The following ZFP2 variants were observed in gnomAD, a reference collection of about 807,000 sequenced individuals.
The protein encoded by ZFP2 is zinc finger protein ZFP2.
In ZFP2, 33 loss-of-function variants were observed where a neutral mutation model predicts 36.1. The observed-to-expected ratio is 0.92, with a 90% CI of 0.69 to 1.22. ZFP2 has a LOEUF of 1.22. Among genes scored for constraint, ZFP2 ranks in the 50% most tolerant of loss-of-function variants. The probability of loss-of-function intolerance (pLI) is 0.00; values close to 1 mark genes in which losing one functional copy is unlikely to be tolerated. For missense variants in ZFP2, 522 were observed against 551.4 expected (o/e 0.95, Z 0.53); for synonymous variants, 170 against 178.0 (o/e 0.96, Z 0.36).
At chr5:178,920,345 A>C (rs1758531654) in intron 4 of ZFP2, among the ~76,000 whole-genome samples, 1 of 152,122 alleles carries the variant, frequency 6.6e-6, no homozygotes. Flanking sequence ...TTATATATTA[A>C]AAATACTGTA....
In ZFP2 at chr5:178,931,586, A is replaced by C. The variant is rs747495582; in HGVS notation, c.273A>C (p.Lys91Asn). ...EDATQNSELIKTQRMFVGKKI... is the reference protein window; with the variant it reads ...EDATQNSELINTQRMFVGKKI... ...CCACACAAAATTCTGAGTTAATTAAAACTCAAAGAATGTTTGTAGGAAAGA... is the reference window on the plus strand; with the variant it reads ...CCACACAAAATTCTGAGTTAATTAACACTCAAAGAATGTTTGTAGGAAAGA... The change falls in exon 5 of 5, where the codon AAA becomes AAC. Residue 91 changes from lysine to asparagine, a missense_variant. Transcript: ENST00000361362. 5.6e-6 allele frequency: 9 copies of C among 1,614,062 alleles called. No homozygotes were observed. In the Admixed American group the frequency reaches 1.2e-4, roughly 21 times the overall value.
chr5:178,911,676 C>G (rs2113081464), intron 1 of ZFP2, among the ~76,000 whole-genome samples: 1 of 152,244 alleles, frequency 6.6e-6, no homozygotes, highest in African/African-American at 2.4e-5. Flanking sequence ...GTTGGTGTCC[C>G]TAACCCCCAT....
Position 178,932,631 on chromosome 5 carries a change from TGTAATGAATGCGGAAAA to T in ZFP2, c.1320_1336del (p.Asn441LeufsTer35), listed in dbSNP as rs1175369126. The T allele has an allele frequency of 1.2e-6, 2 of 1,613,682 alleles. No individual in the cohort carries two copies. The highest frequency in any genetic ancestry group is 1.7e-6 in the Non-Finnish European group (2 of 1,179,864). On this transcript the variant is annotated frameshift_variant, in exon 5 of 5. Transcript: ENST00000361362. LOFTEE classifies it high-confidence loss of function. ...TCATACAGGAGAGAAACCCTATCAG[TGTAATGAATGCGGAAAA>T]GCCTTCAGCCGGAGTACAAACCTTA...
intron 4 of ZFP2, among the ~76,000 whole-genome samples, chr5:178,925,035 A>G (rs1758637073): frequency 6.9e-6 from 1 of 144,878 alleles, no homozygotes; most frequent in Non-Finnish European, 1.5e-5. Flanking sequence ...TCTTTATACT[A>G]TTGCCATTTA....
chr5:178,909,911 G>A, intron 1 of ZFP2: 1 of 1,497,954 alleles, frequency 6.7e-7, no homozygotes. Flanking sequence ...CCCGGGAGAT[G>A]CCCTTGATCC....
chr5:178,914,174 AT>A (rs961736484), intron 3 of ZFP2, among the ~76,000 whole-genome samples: 2 of 151,762 alleles, frequency 1.3e-5, no homozygotes, highest in Non-Finnish European at 1.5e-5. Context: ...TTCTTTGTAT[AT>A]TTTTTTTAAA....
chr5:178,925,185 T>C (rs1326709597), intron 4 of ZFP2, among the ~76,000 whole-genome samples: 2 of 147,376 alleles, frequency 1.4e-5, no homozygotes, highest in Admixed American at 6.9e-5. Flanking sequence ...ACATATATAT[T>C]ATGTGCCTTT....
chr5:178,927,538 C>T (rs2113121986), intron 4 of ZFP2, among the ~76,000 whole-genome samples: 1 of 151,244 alleles, frequency 6.6e-6, no homozygotes, highest in African/African-American at 2.4e-5. Flanking sequence ...CTCTTGTCGC[C>T]CAGGCTGGAG....
In ZFP2 at chr5:178,931,431, T is replaced by G; in HGVS notation, c.118T>G (p.Phe40Val). The change falls in exon 5 of 5, where the codon TTC (phenylalanine) becomes GTC (valine). Residue 40 changes from phenylalanine to valine, a missense_variant. Transcript: ENST00000361362. ...AGTGGGAGTTACCCATAAGGAAACC[T>G]TCACTGAGATGAGAGTATGTGGAGG... ...SQVGVTHKET[F>V]TEMRVCGGNE... 1 of 1,614,148 alleles carries G rather than the reference T, an allele frequency of 6.2e-7. No homozygotes were observed. The highest frequency in any genetic ancestry group is 8.5e-7 in the Non-Finnish European group (1 of 1,180,020).
intron 4 of ZFP2, among the ~76,000 whole-genome samples, chr5:178,930,201 T>G (rs1469559081): frequency 6.6e-6 from 1 of 151,972 alleles, no homozygotes; most frequent in African/African-American, 2.4e-5. Flanking sequence ...AATATGAAAT[T>G]TGGGTGGGGA....
In ZFP2 at chr5:178,922,663, T is replaced by C. The variant is rs1758581419; in HGVS notation, c.-78+5953T>C. The C allele has an allele frequency of 1.9e-6, 3 of 1,586,990 alleles. No homozygotes were observed. In the Admixed American group the frequency reaches 5.1e-5, roughly 27 times the overall value. On this transcript the variant is annotated intron_variant, in intron 4 of 4. Coordinates refer to ENST00000361362, the MANE Select transcript of ZFP2 (RefSeq NM_030613.4). ...ACCTTTGTCCACGTGGCTGGCCTTGTTATTTCACCACTCTGGATATACTGG... is the reference window on the plus strand; with the variant it reads ...ACCTTTGTCCACGTGGCTGGCCTTGCTATTTCACCACTCTGGATATACTGG...
Position 178,932,088 on chromosome 5 carries a change from G to A in ZFP2, c.775G>A (p.Val259Ile). ...KAFSQSMHLI[V>I]HQRSHTGEKP... ...CTTCAGTCAAAGCATGCATCTTATT[G>A]TACATCAGAGAAGCCATACTGGAGA... The change falls in exon 5 of 5, where the codon GTA becomes ATA. Residue 259 changes from valine (V) to isoleucine (I), a missense_variant. Physicochemically the swap from Val to Ile is conservative, Grantham distance 29 (BLOSUM62 3). Coordinates refer to ENST00000361362, the MANE Select transcript of ZFP2 (RefSeq NM_030613.4). 1 of 1,614,032 alleles carries A rather than the reference G, an allele frequency of 6.2e-7. No individual in the cohort carries two copies. The highest frequency in any genetic ancestry group is 1.7e-5 in the Admixed American group (1 of 60,004).
intron 4 of ZFP2, among the ~76,000 whole-genome samples, chr5:178,921,587 A>G (rs1041265461): frequency 1.3e-5 from 2 of 149,306 alleles, no homozygotes; most frequent in African/African-American, 4.9e-5. Flanking sequence ...AAAAATAGGC[A>G]ATTCCCCCTG....
At chr5:178,902,834 A>G (rs181504972) in intron 1 of ZFP2, among the ~76,000 whole-genome samples, 1 of 152,208 alleles carries the variant, frequency 6.6e-6, no homozygotes, top group South Asian at 2.1e-4. Flanking sequence ...TTGATAACAG[A>G]TAATATTTAC....
chr5:178,901,797 G>T (rs202023393), intron 1 of ZFP2, among the ~76,000 whole-genome samples: 52 of 149,148 alleles, frequency 3.5e-4, no homozygotes, highest in Middle Eastern at 3.5e-3. Flanking sequence ...TTTTTGGTTT[G>T]TTTTTTTTTT....
At chr5:178,919,607 C>A (rs775289952) in intron 4 of ZFP2, among the ~76,000 whole-genome samples, 9 of 152,104 alleles carry the variant, frequency 5.9e-5, no homozygotes, top group Non-Finnish European at 1.0e-4. Context: ...GCCCTGCCAC[C>A]AAGTAGTGTA....
intron 4 of ZFP2, among the ~76,000 whole-genome samples, chr5:178,929,429 GTGCTTTGC>G (rs1202277114): frequency 6.6e-6 from 1 of 152,150 alleles, no homozygotes; most frequent in Non-Finnish European, 1.5e-5. Flanking sequence ...CACCTCTTGT[GTGCTTTGC>G]TGCTTAGAAA....
At chr5:178,927,864 T>G (rs574159804) in intron 4 of ZFP2, among the ~76,000 whole-genome samples, 2 of 151,844 alleles carry the variant, frequency 1.3e-5, no homozygotes, top group South Asian at 4.2e-4. Flanking sequence ...AAGAAAAGTT[T>G]AATTGGCTTA....
intron 2 of ZFP2, 40 bp from the exon 3 acceptor site, chr5:178,912,942 C>T (rs570244479): frequency 2.7e-5 from 26 of 977,562 alleles, no homozygotes; most frequent in Admixed American, 6.2e-5. Context: ...TTTTTAGGCT[C>T]AGTTCAGAAC....
Sources: gnomAD v4.1 joint callset for allele counts (sites outside exome capture counted in the v4.1 genomes callset) on GRCh38, gnomAD v4.1.1 for gene constraint, MANE v1.5 for transcripts, NCBI Gene and HGNC (gene_info 2026-07-23, HGNC 2026-07-21) for gene names.